ZFYVE9: variants seen among roughly 807,000 people sequenced by gnomAD.
ZFYVE9 encodes zinc finger FYVE domain-containing protein 9.
ZFYVE9 carries 43 observed loss-of-function variants against 126.7 expected under a neutral mutation model. The observed-to-expected ratio is 0.34, with a 90% confidence interval of 0.27 to 0.44. ZFYVE9 has a LOEUF of 0.44. Among genes scored for constraint, ZFYVE9 ranks in the 20% least tolerant of loss-of-function variants. The pLI is 1.00. For synonymous variants in ZFYVE9, 521 were observed against 597.4 expected (o/e 0.87, Z 1.87); for missense variants, 1,476 against 1,697.0 (o/e 0.87, Z 2.29).
At chr1:52,189,014 T>C (rs140651657) in intron 1 of ZFYVE9, among the ~76,000 whole-genome samples, 1,843 of 152,226 alleles carry the variant, frequency 0.012, 33 homozygotes, top group African/African-American at 0.042. Flanking sequence ...CTCGGCTCAC[T>C]GCAACCTCTG....
At chr1:52,290,986 C>T (rs2985372) in intron 10 of ZFYVE9, among the ~76,000 whole-genome samples, 8,177 of 152,212 alleles carry the variant, frequency 0.054, 237 homozygotes, top group South Asian at 0.076. Flanking sequence ...ATCAAACTAG[C>T]ATTCAAACCC....
At chr1:52,333,753 C>G (rs1193885247) in intron 14 of ZFYVE9, among the ~76,000 whole-genome samples, 1 of 147,262 alleles carries the variant, frequency 6.8e-6, no homozygotes, top group Non-Finnish European at 1.5e-5. Flanking sequence ...CTAAGGCGTT[C>G]AAGACAAGCC....
In ZFYVE9 at chr1:52,237,955, G is replaced by T; in HGVS notation, c.538G>T (p.Ala180Ser). Residue 180 changes from alanine (A) to serine (S), a missense_variant, in exon 4 of 19, where the codon GCT (alanine) becomes TCT (serine). Around this residue, in one of 2 missense-constraint regions of ZFYVE9, gnomAD observed 807 missense variants for 794.6 expected, o/e 1.02. Coordinates refer to ENST00000287727, the MANE Select transcript of ZFYVE9 (RefSeq NM_004799.4). ...TTATAATAGTCAATCCCTTATGGAT[G>T]CTTTTAGCTGTTCACTGGATAATGA... ...NNYNSQSLMD[A>S]FSCSLDNENR... is the part of the protein sequence containing the mutation. The T allele has an allele frequency of 1.2e-6, 2 of 1,614,018 alleles. No homozygotes were observed. The highest frequency in any genetic ancestry group is 1.1e-5 in the South Asian group (1 of 91,076).
At chr1:52,198,451 T>C (rs1414805122) in intron 1 of ZFYVE9, among the ~76,000 whole-genome samples, 1 of 152,142 alleles carries the variant, frequency 6.6e-6, no homozygotes, top group African/African-American at 2.4e-5. Context: ...ATCTAACTGT[T>C]GTCCTGAGCT....
chr1:52,279,630 AT>A (rs1015800406), intron 9 of ZFYVE9, among the ~76,000 whole-genome samples: 2 of 151,698 alleles, frequency 1.3e-5, no homozygotes, highest in African/African-American at 2.4e-5. Context: ...TACCTGGCTA[AT>A]TTTTTTTGTA....
chr1:52,264,708 T>C lies in ZFYVE9; in HGVS notation c.2278+836T>C, dbSNP rs976564672. On this transcript the variant is annotated intron_variant, in intron 5 of 18. Transcript: ENST00000287727. ...TGTGCCTCCTGGAGGCTGGAACTTA[T>C]CTGCTCTGAGACCCCTCCTGCTCTG... Among the ~76,000 whole-genome samples the C allele has an allele frequency of 1.3e-4, 20 of 152,338 alleles. No individual in the cohort carries two copies. In the Middle Eastern group the frequency reaches 0.01, roughly 78 times the overall value.
At chr1:52,288,943 A>AAG (rs1553132720) in intron 10 of ZFYVE9, among the ~76,000 whole-genome samples, 7 of 151,296 alleles carry the variant, frequency 4.6e-5, no homozygotes, top group African/African-American at 1.5e-4. Flanking sequence ...AAAAAAAAAA[A>AAG]AAAGAAAAAG....
At chr1:52,302,129 C>T (rs1453403824) in intron 12 of ZFYVE9, among the ~76,000 whole-genome samples, 3 of 152,076 alleles carry the variant, frequency 2.0e-5, no homozygotes, top group South Asian at 4.2e-4. Context: ...GTTCTGGCTC[C>T]GTTTCCATGG....
chr1:52,227,531 A>G (rs970485357), intron 2 of ZFYVE9, among the ~76,000 whole-genome samples: 3 of 152,132 alleles, frequency 2.0e-5, no homozygotes, highest in African/African-American at 7.2e-5. Flanking sequence ...TAATTCTATC[A>G]CCACAGAGAT....
At chr1:52,283,008 A>T (rs1645819760) in intron 10 of ZFYVE9, among the ~76,000 whole-genome samples, 1 of 152,192 alleles carries the variant, frequency 6.6e-6, no homozygotes, top group African/African-American at 2.4e-5. Context: ...GTAGCATTAC[A>T]TAAGGGCAAG....
At chr1:52,296,055 T>G in intron 12 of ZFYVE9, 78 bp downstream of exon 12, 1 of 1,345,570 alleles carries the variant, frequency 7.4e-7, no homozygotes, top group Non-Finnish European at 1.0e-6. Flanking sequence ...TATTATTTTC[T>G]TGGTAGCTGT....
chr1:52,342,296 C>T (rs1278370056), intron 17 of ZFYVE9, among the ~76,000 whole-genome samples: 1 of 136,166 alleles, frequency 7.3e-6, no homozygotes, highest in Non-Finnish European at 1.5e-5. Context: ...GACAGAGTCT[C>T]GCTCTGTCGC....
chr1:52,272,717 T>G (rs1645706505), intron 7 of ZFYVE9, among the ~76,000 whole-genome samples: 1 of 145,684 alleles, frequency 6.9e-6, no homozygotes. Flanking sequence ...TTGCCCAGAC[T>G]GGAATGCAGT....
rs1450920372 is a variant in ZFYVE9 at position 52,256,039 on chromosome 1, TTCTTTC to T, written c.2179-7730_2179-7725del. On this transcript the variant is annotated intron_variant, in intron 4 of 18. Coordinates refer to ENST00000287727, the MANE Select transcript of ZFYVE9 (RefSeq NM_004799.4). ...TTCCTTTCTTTCTTTCTGTCTTTCT[TTCTTTC>T]TCTCTCTCTCTCTCTCTCTTTCTTT... 2.4e-4 allele frequency among the ~76,000 whole-genome samples: 14 copies of T among 57,214 alleles called. No homozygotes were observed. The East Asian group carries it at 0.02, about 82-fold the overall frequency. 37.5% of individuals were successfully genotyped at this position (57,214 alleles called of 152,430 possible).
intron 8 of ZFYVE9, among the ~76,000 whole-genome samples, chr1:52,277,078 C>T (rs1312698494): frequency 2.0e-5 from 3 of 152,172 alleles, no homozygotes; most frequent in Admixed American, 6.5e-5. Context: ...GTAAAAATAT[C>T]TACTGTTAGT....
At position 52,234,094 on chromosome 1, in the gene ZFYVE9, A is replaced by G. The variant is rs369148581; in HGVS notation, c.70+818A>G. ...CCACGCCTGGCCAAGATTCACTTCT[A>G]TTTAGGGAAGACTTTTCTCTAAATT... On this transcript the variant is annotated intron_variant, in intron 3 of 18. Transcript: ENST00000287727. 2.0e-5 allele frequency among the ~76,000 whole-genome samples: 3 copies of G among 152,156 alleles called. No individual in the cohort carries two copies. In the East Asian group the frequency reaches 5.8e-4, roughly 29 times the overall value.
At chr1:52,286,619 T>C (rs1235243857) in intron 10 of ZFYVE9, among the ~76,000 whole-genome samples, 18 of 152,238 alleles carry the variant, frequency 1.2e-4, no homozygotes. Flanking sequence ...CTCCATATTT[T>C]GTACCTGTTT....
At chr1:52,331,417 C>T (rs1003015414) in intron 13 of ZFYVE9, among the ~76,000 whole-genome samples, 30 of 150,912 alleles carry the variant, frequency 2.0e-4, no homozygotes, top group African/African-American at 7.1e-4. Context: ...AGCTTGAATC[C>T]AGCCTGGACA....
intron 1 of ZFYVE9, chr1:52,162,900 C>T (rs1644476174): frequency 5.9e-6 from 3 of 507,410 alleles, no homozygotes; most frequent in South Asian, 4.3e-5. Context: ...GTTTGAAAAC[C>T]CTTGAAGGAC....
Sources: gnomAD v4.1 joint callset for allele counts (sites outside exome capture counted in the v4.1 genomes callset) on GRCh38, gnomAD v4.1.1 for gene constraint, gnomAD v4.1.1 regional missense constraint, MANE v1.5 for transcripts, NCBI Gene and HGNC (gene_info 2026-07-23, HGNC 2026-07-21) for gene names.